Variants in SYNE1 observed in about 807,000 individuals in gnomAD.
SYNE1 encodes nesprin-1.
In SYNE1, 616 loss-of-function variants were observed where a neutral mutation model predicts 1,111.0. The ratio of observed to expected loss-of-function variants is 0.55; its 90% CI spans 0.52 to 0.59. The LOEUF is 0.59. Ranked by LOEUF, SYNE1 falls within the 20% of genes least tolerant of loss-of-function variation. The probability of loss-of-function intolerance (pLI) is 0.00; values close to 1 mark genes in which losing one functional copy is unlikely to be tolerated. For synonymous variants in SYNE1, 3,855 were observed against 3,825.8 expected (o/e 1.01, Z -0.28); for missense variants, 10,006 against 10,417.0 (o/e 0.96, Z 1.72).
chr6:152,361,641 T>C (rs886842969), intron 64 of SYNE1, among the ~76,000 whole-genome samples: 15 of 152,154 alleles, frequency 9.9e-5, no homozygotes, highest in Non-Finnish European at 1.8e-4. Context: ...AAGGGGGTGA[T>C]GGAACAGGCT....
At chr6:152,276,378 C>T (rs569345575) in intron 98 of SYNE1, among the ~76,000 whole-genome samples, 26 of 152,156 alleles carry the variant, frequency 1.7e-4, no homozygotes, top group African/African-American at 6.3e-4. Context: ...TTCTTTTATG[C>T]TTTTCAATGA....
intron 58 of SYNE1, chr6:152,376,077 C>G: frequency 3.0e-6 from 1 of 328,188 alleles, no homozygotes; most frequent in Non-Finnish European, 5.8e-6. Flanking sequence ...AACTGTTCTA[C>G]CTCAGATCAT....
At chr6:152,233,279 A>G (rs1251303519) in intron 112 of SYNE1, among the ~76,000 whole-genome samples, 3 of 152,146 alleles carry the variant, frequency 2.0e-5, no homozygotes, top group Non-Finnish European at 4.4e-5. Context: ...TACACACATT[A>G]AAGAAACCCT....
intron 135 of SYNE1, among the ~76,000 whole-genome samples, chr6:152,150,543 C>T (rs1290673250): frequency 6.6e-6 from 1 of 152,160 alleles, no homozygotes; most frequent in Non-Finnish European, 1.5e-5. Context: ...GAATCCATGT[C>T]TACGGGCAAG....
chr6:152,316,752 A>C, intron 87 of SYNE1, 97 bp downstream of exon 87: 2 of 1,483,148 alleles, frequency 1.3e-6, no homozygotes, highest in Non-Finnish European at 1.9e-6. Flanking sequence ...TAGCTCCAAA[A>C]ATTTTACATC....
Position 152,427,678 on chromosome 6 carries a change from C to G in SYNE1, c.5100+15G>C, listed in dbSNP as rs761978729. The G allele has an allele frequency of 3.1e-6, 5 of 1,614,086 alleles. No individual in the cohort carries two copies. The highest frequency in any genetic ancestry group is 4.2e-6 in the Non-Finnish European group (5 of 1,179,976). On this transcript the variant is annotated intron_variant, in intron 38 of 145. Transcript: ENST00000367255. Reference sequence around the variant, plus strand: ...GCATTTTATTTTTTCCTTCCTCACACTTCCTTGAACTTGCCTGTATTAACT... The same window carrying G: ...GCATTTTATTTTTTCCTTCCTCACAGTTCCTTGAACTTGCCTGTATTAACT...
intron 127 of SYNE1, among the ~76,000 whole-genome samples, chr6:152,190,754 T>C (rs1216840386): frequency 6.6e-6 from 1 of 152,218 alleles, no homozygotes; most frequent in African/African-American, 2.4e-5. Flanking sequence ...CTTTCTACTC[T>C]CTATCTCCAT....
At chr6:152,208,612 A>G (rs1196525314) in intron 124 of SYNE1, among the ~76,000 whole-genome samples, 1 of 152,196 alleles carries the variant, frequency 6.6e-6, no homozygotes, top group Non-Finnish European at 1.5e-5. Context: ...ACTGCAGGAA[A>G]ATGTGTGGAA....
At chr6:152,312,141 A>G (rs950836484) in intron 87 of SYNE1, among the ~76,000 whole-genome samples, 5 of 151,820 alleles carry the variant, frequency 3.3e-5, no homozygotes, top group African/African-American at 9.7e-5. Flanking sequence ...GTTTATAAAT[A>G]TATATTTAAC....
At chr6:152,354,619 T>C in intron 67 of SYNE1, 40 bp downstream of exon 67, 5 of 1,609,670 alleles carry the variant, frequency 3.1e-6, no homozygotes, top group Non-Finnish European at 4.3e-6. Flanking sequence ...GCAAGGTAAC[T>C]GTAGCTTTGA....
intron 16 of SYNE1, among the ~76,000 whole-genome samples, chr6:152,471,168 A>T (rs1200557225): frequency 1.3e-5 from 2 of 152,234 alleles, no homozygotes; most frequent in East Asian, 3.8e-4. Flanking sequence ...ATCTAAAAAA[A>T]ATAGATAGTT....
At chr6:152,198,789 G>C (rs2074733726) in intron 127 of SYNE1, among the ~76,000 whole-genome samples, 1 of 152,114 alleles carries the variant, frequency 6.6e-6, no homozygotes, top group Non-Finnish European at 1.5e-5. Context: ...ACAGTGTGTG[G>C]TGCCACTAAT....
chr6:152,376,396 A>C lies in SYNE1; in HGVS notation c.9309T>G (p.Ser3103Arg), dbSNP rs1000024104. Reference sequence around the variant, plus strand: ...ACACCCTTACCTGTATTTTCTGAAGACTAGTTGAAACTTCACTTATATTTT... The same window carrying C: ...ACACCCTTACCTGTATTTTCTGAAGCCTAGTTGAAACTTCACTTATATTTT... ...IPQNISEVSTSLQKIQEFLSE... is the reference protein window; with the variant it reads ...IPQNISEVSTRLQKIQEFLSE... Residue 3103 changes from serine to arginine, a missense_variant, in exon 58 of 146, where the codon AGT becomes AGG. Around this residue, in one of 7 missense-constraint regions of SYNE1, gnomAD observed 4,955 missense variants for 5,017.2 expected, o/e 0.99. Transcript: ENST00000367255. 1.2e-6 allele frequency: 2 copies of C among 1,614,060 alleles called. No individual in the cohort carries two copies. The highest frequency in any genetic ancestry group is 1.7e-6 in the Non-Finnish European group (2 of 1,180,038).
At chr6:152,123,503 A>G (rs990471735) in intron 145 of SYNE1, among the ~76,000 whole-genome samples, 3 of 152,252 alleles carry the variant, frequency 2.0e-5, no homozygotes, top group Admixed American at 6.5e-5. Context: ...GATTGAGTAC[A>G]GGTTTCAGAA....
At chr6:152,428,100 T>A in intron 37 of SYNE1, 105 bp downstream of exon 37, 2 of 1,475,334 alleles carry the variant, frequency 1.4e-6, no homozygotes, top group South Asian at 2.3e-5. Context: ...ACCCACAAGT[T>A]CACGTCTTTT....
At chr6:152,481,621 A>G (rs1157172735) in intron 14 of SYNE1, 1 of 441,148 alleles carries the variant, frequency 2.3e-6, no homozygotes, top group Non-Finnish European at 4.5e-6. Context: ...TTTTCCATGA[A>G]AAAATTATTG....
Position 152,624,493 on chromosome 6 carries a change from T to A in SYNE1, c.67+3772A>T, listed in dbSNP as rs555304455. Among the ~76,000 whole-genome samples, 6 of 152,304 alleles carry A rather than the reference T, an allele frequency of 3.9e-5. No homozygotes were observed. In the East Asian group the frequency reaches 9.6e-4, roughly 24 times the overall value. Reference sequence around the variant, plus strand: ...ATTTATTTTCTTAGTTGTGACTAAGTGACTCCGTAAGCCACCTGTTAAATG... The same window carrying A: ...ATTTATTTTCTTAGTTGTGACTAAGAGACTCCGTAAGCCACCTGTTAAATG... On this transcript the variant is annotated intron_variant, in intron 3 of 145. Transcript: ENST00000367255.
chr6:152,387,685 T>G (rs1256999097), intron 53 of SYNE1, among the ~76,000 whole-genome samples: 1 of 152,248 alleles, frequency 6.6e-6, no homozygotes, highest in Admixed American at 6.5e-5. Flanking sequence ...TTATATGTTA[T>G]GTTGTTTAAA....
chr6:152,618,212 A>C (rs901572068), intron 3 of SYNE1, among the ~76,000 whole-genome samples: 13 of 152,236 alleles, frequency 8.5e-5, no homozygotes, highest in African/African-American at 3.1e-4. Flanking sequence ...TGCTCATATC[A>C]GCCAAAATTG....
Sources: allele counts gnomAD v4.1 joint callset (sites outside exome capture counted in the v4.1 genomes callset), GRCh38; gene constraint gnomAD v4.1.1; regional missense constraint gnomAD v4.1.1; transcripts MANE v1.5; gene names NCBI Gene and HGNC (gene_info 2026-07-23, HGNC 2026-07-21).